Variants in CBY1 observed in about 807,000 individuals in gnomAD.
The protein encoded by CBY1 is chibby 1, beta catenin antagonist, also known as protein chibby homolog 1.
In CBY1, 10 loss-of-function variants were observed where a neutral mutation model predicts 15.6. The observed-to-expected ratio is 0.64, with a 90% CI of 0.40 to 1.09. CBY1 has a LOEUF of 1.09. Among genes scored for constraint, CBY1 ranks in the 50% least tolerant of loss-of-function variants. The pLI is 0.01. For missense variants in CBY1, 150 were observed against 160.5 expected, an observed-to-expected ratio of 0.93 and a Z score of 0.35; for synonymous variants, 61 against 63.5, an observed-to-expected ratio of 0.96 and a Z score of 0.19.
At position 38,661,836 on chromosome 22, in the gene CBY1, C is replaced by T. The variant is rs138964212; in HGVS notation, c.-39+5086C>T. 2.7e-3 allele frequency among the ~76,000 whole-genome samples: 404 copies of T among 152,270 alleles called. 4 individuals are homozygous for T. Among genetic ancestry groups the T allele is most frequent in the African/African-American group, 9.4e-3 (392 of 41,558 alleles). On this transcript the variant is annotated intron_variant, in intron 1 of 4. Coordinates refer to ENST00000216029, the MANE Select transcript of CBY1 (RefSeq NM_015373.4). ...CCCATTTCTTGTCAGATCCAGTTAACCCGTTACTGCTTTTATTTCATAATG... is the reference window on the plus strand; with the variant it reads ...CCCATTTCTTGTCAGATCCAGTTAATCCGTTACTGCTTTTATTTCATAATG...
At position 38,657,211 on chromosome 22, in the gene CBY1, CAG is replaced by C. The variant is rs377657931; in HGVS notation, c.-39+462_-39+463del. The C allele has an allele frequency of 9.8e-6, 6 of 615,020 alleles. No individual in the cohort carries two copies. The African/African-American group carries it at 1.2e-4, about 12-fold the overall frequency. 38.1% of individuals were successfully genotyped at this position (615,020 alleles called of 1,614,324 possible). A position where few individuals can be genotyped will look rare whatever the true frequency, so the allele number is the denominator to read the frequency against. ...TTACACAATGATTAGTGATTAGTAT[CAG>C]TATCTGTGGACTGGGAAGGCTCTAC... On this transcript the variant is annotated intron_variant, in intron 1 of 4. Coordinates refer to ENST00000216029, the MANE Select transcript of CBY1 (RefSeq NM_015373.4).
At chr22:38,663,697 CAAAAAAAAAAA>C (rs35974746) in intron 1 of CBY1, among the ~76,000 whole-genome samples, 33 of 76,454 alleles carry the variant, frequency 4.3e-4, no homozygotes, top group Non-Finnish European at 7.7e-5. Context: ...ACTCTGTCTC[CAAAAAAAAAAA>C]AAAAAAAGGA....
intron 4 of CBY1, among the ~76,000 whole-genome samples, chr22:38,672,253 C>A (rs2092454529): frequency 7.1e-6 from 1 of 141,370 alleles, no homozygotes. Context: ...CAGAGTGAGA[C>A]CCCATCTTGG....
intron 1 of CBY1, among the ~76,000 whole-genome samples, chr22:38,660,458 G>A (rs1466369829): frequency 6.6e-6 from 1 of 151,984 alleles, no homozygotes; most frequent in Non-Finnish European, 1.5e-5. Flanking sequence ...GCCTCCCAAA[G>A]TGCTGGGATT....
At chr22:38,664,273 A>T (rs2145781773) in intron 1 of CBY1, among the ~76,000 whole-genome samples, 1 of 152,058 alleles carries the variant, frequency 6.6e-6, no homozygotes, top group East Asian at 1.9e-4. Flanking sequence ...GGAGTTCGAG[A>T]CAAGCCTGGC....
At chr22:38,657,241 A>C (rs2092401829) in intron 1 of CBY1, 1 of 333,310 alleles carries the variant, frequency 3.0e-6, no homozygotes, top group Non-Finnish European at 4.3e-6. Flanking sequence ...GGCTCTACTT[A>C]CTCGATCCTC....
intron 1 of CBY1, among the ~76,000 whole-genome samples, chr22:38,658,847 G>A (rs1037165753): frequency 6.6e-6 from 1 of 152,316 alleles, no homozygotes; most frequent in East Asian, 1.9e-4. Flanking sequence ...ACCTGCTTTC[G>A]CAGTGTTAAA....
intron 1 of CBY1, among the ~76,000 whole-genome samples, chr22:38,663,120 A>AAAATAAAT (rs760488211): frequency 2.0e-5 from 3 of 152,046 alleles, no homozygotes; most frequent in Non-Finnish European, 4.4e-5. Context: ...ACTTGATCTC[A>AAAATAAAT]AAATAAATAA....
intron 1 of CBY1, chr22:38,657,165 C>G: frequency 1.1e-6 from 1 of 949,236 alleles, no homozygotes; most frequent in Non-Finnish European, 1.3e-6. Flanking sequence ...TATTTTATGG[C>G]CTGTTGCAAA....
chr22:38,657,030 C>G (rs1314230448), intron 1 of CBY1: 1 of 499,524 alleles, frequency 2.0e-6, no homozygotes, highest in Non-Finnish European at 2.6e-6. Context: ...TCCGACAGCC[C>G]TGGGGGCCGT....
intron 4 of CBY1, chr22:38,671,407 G>T: frequency 3.6e-6 from 2 of 552,670 alleles, no homozygotes; most frequent in East Asian, 6.3e-5. Context: ...CCCAGTTGGA[G>T]TCTGCACAGG....
intron 4 of CBY1, 119 bp downstream of exon 4, chr22:38,671,307 A>G: frequency 1.3e-6 from 1 of 774,884 alleles, no homozygotes; most frequent in East Asian, 2.4e-5. Flanking sequence ...GTTGCTTTGC[A>G]TCCAAAGCCA....
intron 2 of CBY1, chr22:38,670,667 C>A: frequency 2.0e-6 from 1 of 501,386 alleles, no homozygotes; most frequent in Non-Finnish European, 3.6e-6. Context: ...TATAGCTTTT[C>A]TGGAAAACAT....
intron 4 of CBY1, among the ~76,000 whole-genome samples, chr22:38,671,851 T>C (rs2092453355): frequency 6.6e-6 from 1 of 152,164 alleles, no homozygotes; most frequent in African/African-American, 2.4e-5. Context: ...TAGCTAATTG[T>C]GGTGGTGCAC....
At chr22:38,671,267 T>A (rs761224465) in intron 4 of CBY1, 79 bp downstream of exon 4, 1 of 1,073,862 alleles carries the variant, frequency 9.3e-7, no homozygotes, top group Non-Finnish European at 1.4e-6. Context: ...ATCCAACAGA[T>A]ATCTCCTCAA....
At chr22:38,658,973 T>G (rs1012740886) in intron 1 of CBY1, among the ~76,000 whole-genome samples, 1 of 152,198 alleles carries the variant, frequency 6.6e-6, no homozygotes, top group African/African-American at 2.4e-5. Context: ...TCTCACTTTG[T>G]TGTCCAGGCT....
At chr22:38,670,819 A>C in intron 2 of CBY1, 65 bp from the exon 3 acceptor site, 3 of 1,013,416 alleles carry the variant, frequency 3.0e-6, no homozygotes, top group Non-Finnish European at 4.7e-6. Flanking sequence ...TGTTGGCGGA[A>C]GAGGAGCTGG....
rs2092458760 is a variant in CBY1, at chr22:38,673,384, A to G, written c.*148A>G. 4 of 579,012 alleles carry G rather than the reference A, an allele frequency of 6.9e-6. No homozygotes were observed. The South Asian group carries it at 7.8e-5, about 11-fold the overall frequency. The allele number at this position is 579,012 out of a possible 1,614,324, so 35.9% of individuals were successfully genotyped here. A position where few individuals can be genotyped will look rare whatever the true frequency, so the allele number is the denominator to read the frequency against. ...GGGTTGGCAATAGAAGGTGACATGG[A>G]ATGGAGAAAACCAAGATTCCAGATG... On this transcript the variant is annotated 3_prime_UTR_variant, in exon 5 of 5. Transcript: ENST00000216029.
rs779170291 is a variant in CBY1, at chr22:38,671,146, G to A, written c.261G>A (p.Glu87=). 3.1e-6 allele frequency: 5 copies of A among 1,614,092 alleles called. No individual in the cohort carries two copies. Among genetic ancestry groups the A allele is most frequent in the African/African-American group, 1.3e-5 (1 of 74,956 alleles). Residue 87 remains glutamate (E), a synonymous_variant, in exon 4 of 5, where the codon GAG becomes GAA. Transcript: ENST00000216029. Reference sequence around the variant, plus strand: ...GGCGGAACCAGCAGTTGGAGGAAGAGAACAATCTCTTGCGGCTGAAAGTGG... The same window carrying A: ...GGCGGAACCAGCAGTTGGAGGAAGAAAACAATCTCTTGCGGCTGAAAGTGG... ...LRRRNQQLEE[E]NNLLRLKVDI...
Sources: gnomAD v4.1 joint callset for allele counts (sites outside exome capture counted in the v4.1 genomes callset) on GRCh38, gnomAD v4.1.1 for gene constraint, MANE v1.5 for transcripts, NCBI Gene and HGNC (gene_info 2026-07-23, HGNC 2026-07-21) for gene names.